USP6NL: variants seen among roughly 807,000 people sequenced by gnomAD.
The protein encoded by USP6NL is USP6 N-terminal like.
USP6NL carries 26 observed loss-of-function variants against 61.9 expected under a neutral mutation model. The ratio of observed to expected loss-of-function variants is 0.42; its 90% CI spans 0.31 to 0.58. The LOEUF (loss-of-function observed/expected upper bound fraction) is 0.58, where lower values mean the gene tolerates loss of function less well. Among genes scored for constraint, USP6NL ranks in the 20% least tolerant of loss-of-function variants. The pLI is 0.16. For missense variants in USP6NL, 1,114 were observed against 1,034.3 expected, an observed-to-expected ratio of 1.08 and a Z score of -1.06; for synonymous variants, 432 against 390.1, an observed-to-expected ratio of 1.11 and a Z score of -1.27.
chr10:11,484,594 G>A (rs1166930732), intron 13 of USP6NL, among the ~76,000 whole-genome samples: 1 of 152,104 alleles, frequency 6.6e-6, no homozygotes, highest in Non-Finnish European at 1.5e-5. Context: ...AAGGGGCCTG[G>A]TTTCTTTGGT....
chr10:11,497,364 T>A lies in USP6NL; in HGVS notation c.384+3737A>T, dbSNP rs186597010. ...AGGCGGAGCTTGCAGTGAGCCAAGA[T>A]CGCGCCACTGCACTCCAGCCTGGGC... On this transcript the variant is annotated intron_variant, in intron 7 of 14. Coordinates refer to ENST00000609104, the MANE Select transcript of USP6NL (RefSeq NM_014688.5). 5.1e-3 allele frequency among the ~76,000 whole-genome samples: 726 copies of A among 142,676 alleles called. 3 individuals are homozygous for A. The highest frequency in any genetic ancestry group is 0.018 in the African/African-American group (690 of 38,176). The allele number at this position is 142,676 out of a possible 152,430, so 93.6% of individuals were successfully genotyped here. A position where few individuals can be genotyped will look rare whatever the true frequency, so the allele number is the denominator to read the frequency against.
chr10:11,517,167 T>G (rs927275237), intron 5 of USP6NL, among the ~76,000 whole-genome samples: 9 of 152,230 alleles, frequency 5.9e-5, no homozygotes, highest in Admixed American at 3.9e-4. Context: ...CTGCCAGTCT[T>G]TATGTCAATA....
rs907807310 is a variant in USP6NL at position 11,518,962 on chromosome 10, C to A, written c.156-388G>T. 3.3e-5 allele frequency among the ~76,000 whole-genome samples: 5 copies of A among 152,234 alleles called. No homozygotes were observed. Among genetic ancestry groups the A allele is most frequent in the Non-Finnish European group, 7.3e-5 (5 of 68,038 alleles). ...ATTTCCATCACTGCAGAAAGGTCCA[C>A]TGGACAGCACTGCTCCAGACTAGGA... On this transcript the variant is annotated intron_variant, in intron 4 of 14. Transcript: ENST00000609104. This position sits in a 1 kb window ranked among gnomAD's most constrained non-coding sequence, Gnocchi z 5.3.
intron 14 of USP6NL, among the ~76,000 whole-genome samples, chr10:11,479,565 G>GGTT (rs1833107659): frequency 7.7e-6 from 1 of 129,916 alleles, no homozygotes; most frequent in Non-Finnish European, 1.6e-5. Flanking sequence ...TCATGTAGGT[G>GGTT]TTTTTTTTTT....
At chr10:11,500,532 G>A (rs939707725) in intron 7 of USP6NL, among the ~76,000 whole-genome samples, 4 of 151,966 alleles carry the variant, frequency 2.6e-5, no homozygotes, top group African/African-American at 9.7e-5. Flanking sequence ...ATGACAAGGA[G>A]ATACATTTAA....
chr10:11,588,151 A>T (rs1396819666), intron 2 of USP6NL, among the ~76,000 whole-genome samples: 2 of 152,222 alleles, frequency 1.3e-5, no homozygotes, highest in Non-Finnish European at 2.9e-5. Flanking sequence ...CAAAAACATC[A>T]ATATCACAAA....
Position 11,597,496 on chromosome 10 carries a change from G to T in USP6NL, c.4+135C>A. 1 of 889,764 alleles carries T rather than the reference G, an allele frequency of 1.1e-6. No homozygotes were observed. The highest frequency in any genetic ancestry group is 1.8e-6 in the Non-Finnish European group (1 of 549,868). 55.1% of individuals were successfully genotyped at this position (889,764 alleles called of 1,614,324 possible). ...GTCTTAACACAGACAAGCGCAGAGT[G>T]CTGGGTGGAACCACATTCAAACTCT... On this transcript the variant is annotated intron_variant, in intron 2 of 14. Coordinates refer to ENST00000609104, the MANE Select transcript of USP6NL (RefSeq NM_014688.5). The surrounding 1 kb of genome is among the most constrained non-coding windows in gnomAD (Gnocchi z 4.6).
At chr10:11,558,683 C>T (rs967713016) in intron 2 of USP6NL, among the ~76,000 whole-genome samples, 2 of 152,184 alleles carry the variant, frequency 1.3e-5, no homozygotes, top group African/African-American at 4.8e-5. Flanking sequence ...ATTATCACAT[C>T]TATTTACCTC....
intron 14 of USP6NL, among the ~76,000 whole-genome samples, chr10:11,480,150 C>T (rs1258711700): frequency 6.6e-6 from 1 of 152,132 alleles, no homozygotes; most frequent in Non-Finnish European, 1.5e-5. Context: ...CCTGGTAAAA[C>T]GATCTTACAG....
Position 11,562,632 on chromosome 10 carries a change from T to A in USP6NL, c.4+34999A>T, listed in dbSNP as rs1836986612. On this transcript the variant is annotated intron_variant, in intron 2 of 14. Transcript: ENST00000609104. The surrounding 1 kb of genome is among the most constrained non-coding windows in gnomAD (Gnocchi z 4.8). Reference sequence around the variant, plus strand: ...TAAATGTAATTCTAACACTGAACAGTCCTCTAATTATTTGTGACACTCAAC... The same window carrying A: ...TAAATGTAATTCTAACACTGAACAGACCTCTAATTATTTGTGACACTCAAC... 4 of 985,276 alleles carry A rather than the reference T, an allele frequency of 4.1e-6. No individual in the cohort carries two copies. The highest frequency in any genetic ancestry group is 4.8e-6 in the Non-Finnish European group (4 of 829,920). 61.0% of individuals were successfully genotyped at this position (985,276 alleles called of 1,614,324 possible).
rs1057015388 is a variant in USP6NL at position 11,463,959 on chromosome 10, C to G, written c.1079-110G>C. ...CTTTTCATCTGTGCACAGATACACG[C>G]TGACATACAACACACTGTCATACAA... is the stretch of plus-strand genomic sequence containing the variant. On this transcript the variant is annotated intron_variant, in intron 14 of 14. Transcript: ENST00000609104. The surrounding 1 kb of genome is among the most constrained non-coding windows in gnomAD (Gnocchi z 6.3). 3 of 1,008,484 alleles carry G rather than the reference C, an allele frequency of 3.0e-6. No homozygotes were observed. The African/African-American group carries it at 4.9e-5, about 17-fold the overall frequency. 62.5% of individuals were successfully genotyped at this position (1,008,484 alleles called of 1,614,324 possible).
chr10:11,488,496 T>G (rs1311011263), intron 10 of USP6NL, among the ~76,000 whole-genome samples: 3 of 152,202 alleles, frequency 2.0e-5, no homozygotes, highest in Non-Finnish European at 4.4e-5. Context: ...AGTGTTAACT[T>G]GAAAACCAAA....
At position 11,547,632 on chromosome 10, in the gene USP6NL, CG is replaced by C. The variant is rs960053634; in HGVS notation, c.5-20066del. 1.2e-4 allele frequency among the ~76,000 whole-genome samples: 19 copies of C among 152,080 alleles called. No individual in the cohort carries two copies. In the South Asian group the frequency reaches 2.3e-3, roughly 18 times the overall value. On this transcript the variant is annotated intron_variant, in intron 2 of 14. Coordinates refer to ENST00000609104, the MANE Select transcript of USP6NL (RefSeq NM_014688.5). ...TCAGCTCACTGCAAGCTCCGCCTCC[CG>C]GGGTTCACGCCATTCTCCTGCCTCA...
chr10:11,535,227 C>T (rs1242426234), intron 2 of USP6NL, among the ~76,000 whole-genome samples: 1 of 152,132 alleles, frequency 6.6e-6, no homozygotes, highest in East Asian at 1.9e-4. Flanking sequence ...GCTATGGTGG[C>T]CAGTTTCCAA....
rs2096222213 is a variant in USP6NL at position 11,462,964 on chromosome 10, G to A, written c.1964C>T (p.Ser655Phe). ...TTGAGTCCCAGGGCTAAACTGTGGA[G>A]AAGCAAAGCTGCTGTTGGCAGTAGG... Reference protein sequence around the residue: ...HFPTANSSFASPQFSPGTQLN... With the variant: ...HFPTANSSFAFPQFSPGTQLN... The change falls in exon 15 of 15, where the codon TCT (serine) becomes TTT (phenylalanine). Residue 655 changes from serine to phenylalanine, a missense_variant. Physicochemically the swap from Ser to Phe is radical, Grantham distance 155. Coordinates refer to ENST00000609104, the MANE Select transcript of USP6NL (RefSeq NM_014688.5). 1 of 1,613,920 alleles carries A rather than the reference G, an allele frequency of 6.2e-7. No individual in the cohort carries two copies. Among genetic ancestry groups the A allele is most frequent in the Non-Finnish European group, 8.5e-7 (1 of 1,179,854 alleles).
chr10:11,528,471 T>C lies in USP6NL; in HGVS notation c.5-904A>G, dbSNP rs1835513677. 1.3e-5 allele frequency among the ~76,000 whole-genome samples: 2 copies of C among 152,260 alleles called. No homozygotes were observed. The highest frequency in any genetic ancestry group is 2.1e-4 in the South Asian group (1 of 4,824). On this transcript the variant is annotated intron_variant, in intron 2 of 14. Transcript: ENST00000609104. The surrounding 1 kb of genome is among the most constrained non-coding windows in gnomAD (Gnocchi z 4.6). ...GCAAATACTGTGCTAATAAGCACTTTACCCTGCCTTACCACATGACACTCT... is the reference window on the plus strand; with the variant it reads ...GCAAATACTGTGCTAATAAGCACTTCACCCTGCCTTACCACATGACACTCT...
rs1836362371 is a variant in USP6NL, at chr10:11,548,432, C to G, written c.5-20865G>C. Among the ~76,000 whole-genome samples, 1 of 152,200 alleles carries G rather than the reference C, an allele frequency of 6.6e-6. No individual in the cohort carries two copies. The highest frequency in any genetic ancestry group is 6.5e-5 in the Admixed American group (1 of 15,274). ...CTCAGACCTCTCTTAGAAGCTTTCT[C>G]AATCTCAATACAGAGCTTGACATTT... On this transcript the variant is annotated intron_variant, in intron 2 of 14. Transcript: ENST00000609104. The surrounding 1 kb of genome is among the most constrained non-coding windows in gnomAD (Gnocchi z 4.3).
intron 2 of USP6NL, among the ~76,000 whole-genome samples, chr10:11,566,028 T>C (rs1366387623): frequency 6.6e-6 from 1 of 152,136 alleles, no homozygotes; most frequent in Non-Finnish European, 1.5e-5. Flanking sequence ...GAGATGGCCA[T>C]CACCACTAAA....
chr10:11,573,200 A>G (rs1041020533), intron 2 of USP6NL, among the ~76,000 whole-genome samples: 1 of 152,174 alleles, frequency 6.6e-6, no homozygotes, highest in African/African-American at 2.4e-5. Context: ...CTTATGTTCT[A>G]CCACAGGCAG....
Sources: allele counts gnomAD v4.1 joint callset (sites outside exome capture counted in the v4.1 genomes callset), GRCh38; gene constraint gnomAD v4.1.1; non-coding constraint Gnocchi (gnomAD v3.1); transcripts MANE v1.5; gene names NCBI Gene and HGNC (gene_info 2026-07-23, HGNC 2026-07-21).